Variants in DNAH12 observed in about 807,000 individuals in gnomAD.
DNAH12 encodes the protein axonemal beta dynein heavy chain 12.
A neutral mutation model predicts 371.5 loss-of-function variants in DNAH12; 285 were observed. The ratio of observed to expected loss-of-function variants is 0.77; its 90% confidence interval spans 0.70 to 0.85. The LOEUF (loss-of-function observed/expected upper bound fraction) is 0.85, where lower values mean the gene tolerates loss of function less well. Among genes scored for constraint, DNAH12 ranks in the 40% least tolerant of loss-of-function variants. DNAH12 has a pLI of 0.00. For missense variants in DNAH12, 3,611 were observed against 3,689.4 expected (o/e 0.98, Z 0.55); for synonymous variants, 1,200 against 1,213.0 (o/e 0.99, Z 0.22).
chr3:57,446,756 T>A (rs747138695), intron 25 of DNAH12, 67 bp from the exon 26 acceptor site: 249 of 1,360,962 alleles, frequency 1.8e-4, no homozygotes, highest in Non-Finnish European at 2.3e-4. Flanking sequence ...GACACTTGTT[T>A]ACCAAATGGA....
chr3:57,431,540 T>C (rs1268688599), intron 32 of DNAH12, among the ~76,000 whole-genome samples: 1 of 152,216 alleles, frequency 6.6e-6, no homozygotes, highest in Non-Finnish European at 1.5e-5. Flanking sequence ...TGCTCCTCAT[T>C]TTCCCAATAT....
chr3:57,309,981 T>A, intron 67 of DNAH12, 127 bp from the exon 68 acceptor site: 1 of 714,182 alleles, frequency 1.4e-6, no homozygotes, highest in Non-Finnish European at 2.1e-6. Flanking sequence ...AATTAATAAT[T>A]AACAGATACA....
intron 70 of DNAH12, among the ~76,000 whole-genome samples, chr3:57,299,524 G>T (rs1330026265): frequency 1.3e-5 from 2 of 151,942 alleles, no homozygotes; most frequent in Admixed American, 6.6e-5. Flanking sequence ...GGCACAGGAA[G>T]GAGAGAATGT....
chr3:57,373,807 A>C (rs1268413677), intron 55 of DNAH12, among the ~76,000 whole-genome samples: 1 of 152,236 alleles, frequency 6.6e-6, no homozygotes, highest in Non-Finnish European at 1.5e-5. Context: ...GATTATATTA[A>C]ATTTTGCTTA....
At chr3:57,451,467 C>G (rs1575620120) in intron 25 of DNAH12, among the ~76,000 whole-genome samples, 1 of 152,124 alleles carries the variant, frequency 6.6e-6, no homozygotes, top group South Asian at 2.1e-4. Flanking sequence ...GAAACCCCAT[C>G]TCTACTAAAA....
At chr3:57,365,765 T>C (rs1458567175) in intron 57 of DNAH12, among the ~76,000 whole-genome samples, 1 of 152,060 alleles carries the variant, frequency 6.6e-6, no homozygotes, top group African/African-American at 2.4e-5. Context: ...CAATCTTTTT[T>C]TAAACAAAAT....
chr3:57,520,075 T>TGGAGCCGCCCGTCG (rs11271610), intron 4 of DNAH12: 495,673 of 577,610 alleles, frequency 0.86, 215,610 homozygotes, highest in African/African-American at 0.96. Context: ...GGCGGCTCTG[T>TGGAGCCGCCCGTCG]GGCTACAGCG....
chr3:57,447,326 T>A (rs1273104901), intron 25 of DNAH12, among the ~76,000 whole-genome samples: 2 of 152,242 alleles, frequency 1.3e-5, no homozygotes, highest in Non-Finnish European at 2.9e-5. Context: ...ATTTGAATTA[T>A]TCCTGGGTCC....
upstream of DNAH12, among the ~76,000 whole-genome samples, chr3:57,547,105 T>G (rs1018348139): frequency 3.3e-5 from 5 of 152,130 alleles, no homozygotes; most frequent in Non-Finnish European, 4.4e-5. Flanking sequence ...TGACAGATAG[T>G]CTGCCCTACA....
At chr3:57,503,451 T>A (rs553638968) in intron 9 of DNAH12, among the ~76,000 whole-genome samples, 155 of 150,206 alleles carry the variant, frequency 1.0e-3, no homozygotes, top group Non-Finnish European at 2.0e-3. Flanking sequence ...TGCAGTGGGG[T>A]GATCTTGGCT....
chr3:57,445,141 G>A (rs2065442584), intron 28 of DNAH12, 33 bp downstream of exon 28: 1 of 1,489,150 alleles, frequency 6.7e-7, no homozygotes, highest in Non-Finnish European at 9.0e-7. Context: ...TCTTTCTACT[G>A]AAACTTTCCC....
At chr3:57,547,120 A>G (rs199823441), upstream of DNAH12, among the ~76,000 whole-genome samples, 20 of 152,216 alleles carry the variant, frequency 1.3e-4, no homozygotes, top group East Asian at 3.7e-3. Context: ...CCTACAGACC[A>G]TGGACTTGGT....
intron 60 of DNAH12, among the ~76,000 whole-genome samples, chr3:57,348,245 T>C (rs2062590146): frequency 6.6e-6 from 1 of 151,740 alleles, no homozygotes. Flanking sequence ...AGAGAAAAAA[T>C]CCCATCTGAA....
chr3:57,362,782 G>T (rs1450734102), intron 58 of DNAH12, among the ~76,000 whole-genome samples: 1 of 152,106 alleles, frequency 6.6e-6, no homozygotes, highest in Non-Finnish European at 1.5e-5. Flanking sequence ...TTTGCCAGAT[G>T]GGTAGATTGT....
intron 55 of DNAH12, among the ~76,000 whole-genome samples, chr3:57,373,256 T>C (rs1416288672): frequency 6.6e-6 from 1 of 152,098 alleles, no homozygotes; most frequent in Non-Finnish European, 1.5e-5. Flanking sequence ...ACCAATCAGA[T>C]GTTTTTCACA....
At chr3:57,437,149 T>TAA in intron 29 of DNAH12, 89 bp from the exon 30 acceptor site, 1 of 795,600 alleles carries the variant, frequency 1.3e-6, no homozygotes, top group Admixed American at 3.6e-5. Context: ...ATTTACTAGT[T>TAA]AAAAAAAAAC....
chr3:57,515,676 T>A (rs1168960331), intron 4 of DNAH12, among the ~76,000 whole-genome samples: 4 of 151,842 alleles, frequency 2.6e-5, no homozygotes, highest in Non-Finnish European at 1.5e-5. Flanking sequence ...AAATCTATAG[T>A]CCACACTGAT....
intron 60 of DNAH12, among the ~76,000 whole-genome samples, chr3:57,344,961 T>C (rs528610039): frequency 1.6e-4 from 24 of 152,264 alleles, no homozygotes; most frequent in African/African-American, 5.8e-4. Flanking sequence ...AAAATTCATG[T>C]ATAATTTTTG....
intron 60 of DNAH12, among the ~76,000 whole-genome samples, chr3:57,338,129 C>T (rs797028711): frequency 1.3e-5 from 2 of 152,222 alleles, no homozygotes; most frequent in African/African-American, 2.4e-5. Context: ...TCTCCTGCCT[C>T]GGCCTGCCGA....
Sources: gnomAD v4.1 joint callset for allele counts (sites outside exome capture counted in the v4.1 genomes callset) on GRCh38, gnomAD v4.1.1 for gene constraint, MANE v1.5 for transcripts, NCBI Gene and HGNC (gene_info 2026-07-23, HGNC 2026-07-21) for gene names.